Variants in SIPA1L3 observed in about 807,000 individuals in gnomAD.
SIPA1L3 encodes the protein signal-induced proliferation-associated 1-like protein 3.
In SIPA1L3, 59 loss-of-function variants were observed where a neutral mutation model predicts 150.1. The ratio of observed to expected loss-of-function variants is 0.39; its 90% CI spans 0.32 to 0.49. The LOEUF is 0.49. Among genes scored for constraint, SIPA1L3 ranks in the 20% least tolerant of loss-of-function variants. The probability of loss-of-function intolerance (pLI) is 0.86; values close to 1 mark genes in which losing one functional copy is unlikely to be tolerated. For synonymous variants in SIPA1L3, 1,070 were observed against 1,077.6 expected (o/e 0.99, Z 0.14); for missense variants, 2,211 against 2,489.5 (o/e 0.89, Z 2.38).
intron 19 of SIPA1L3, among the ~76,000 whole-genome samples, 168 bp downstream of exon 19, chr19:38,198,700 C>T (rs1026631394): frequency 2.6e-5 from 4 of 152,232 alleles, no homozygotes; most frequent in African/African-American, 7.2e-5. Flanking sequence ...CCCGGGCAAG[C>T]GTCGTCATCT....
chr19:37,968,927 G>A (rs1407981410), intron 1 of SIPA1L3, among the ~76,000 whole-genome samples: 1 of 152,240 alleles, frequency 6.6e-6, no homozygotes, highest in African/African-American at 2.4e-5. Flanking sequence ...TGGGTCAGGT[G>A]TGGAACCCCA....
chr19:38,067,073 CA>C (rs902537201), intron 2 of SIPA1L3, among the ~76,000 whole-genome samples: 1 of 149,916 alleles, frequency 6.7e-6, no homozygotes, highest in Admixed American at 6.7e-5. Flanking sequence ...CCAGTCTCTA[CA>C]AAAAAAAATT....
intron 17 of SIPA1L3, 152 bp from the exon 18 acceptor site, chr19:38,193,385 G>A (rs1208956471): frequency 8.9e-4 from 736 of 825,986 alleles, no homozygotes; most frequent in Non-Finnish European, 1.1e-3. Flanking sequence ...GAGGGAGGAA[G>A]GGAGGGAGGG....
intron 1 of SIPA1L3, among the ~76,000 whole-genome samples, chr19:37,985,486 G>C (rs1967326620): frequency 6.6e-6 from 1 of 152,180 alleles, no homozygotes; most frequent in Non-Finnish European, 1.5e-5. Context: ...AATAGAGAGA[G>C]AGAAAGAAAA....
intron 2 of SIPA1L3, among the ~76,000 whole-genome samples, chr19:38,056,188 C>T (rs568704937): frequency 1.6e-3 from 249 of 152,350 alleles, no homozygotes; most frequent in Non-Finnish European, 2.6e-3. Flanking sequence ...CCAGTCGGTC[C>T]CTTCTCTGCA....
intron 1 of SIPA1L3, among the ~76,000 whole-genome samples, chr19:37,968,278 G>T (rs928946207): frequency 5.3e-5 from 8 of 151,978 alleles, no homozygotes; most frequent in African/African-American, 9.7e-5. Context: ...TCACCATATT[G>T]GCCAGGAGGG....
chr19:38,161,071 C>T (rs919115884), intron 13 of SIPA1L3, among the ~76,000 whole-genome samples: 2 of 152,112 alleles, frequency 1.3e-5, no homozygotes, highest in Non-Finnish European at 2.9e-5. Context: ...GGGCCGGGCA[C>T]GGTGGCTCAC....
chr19:37,929,179 T>TCTGGGG lies in SIPA1L3; in HGVS notation c.-379+21844_-379+21849dup, dbSNP rs372310928. 8.3e-4 allele frequency among the ~76,000 whole-genome samples: 126 copies of TCTGGGG among 152,218 alleles called. 1 individual carries two copies. The highest frequency in any genetic ancestry group is 3.5e-3 in the South Asian group (17 of 4,826). On this transcript the variant is annotated intron_variant, in intron 1 of 21. Transcript: ENST00000222345. Reference sequence around the variant, plus strand: ...GCCAAGGGCCAATTAGGATTGACCCTCTGGGGCTGGGGCTGGGGCTGGGGC... The same window carrying TCTGGGG: ...GCCAAGGGCCAATTAGGATTGACCCTCTGGGGCTGGGGCTGGGGCTGGGGCTGGGGC...
At chr19:38,072,145 G>A (rs1331986952) in intron 2 of SIPA1L3, among the ~76,000 whole-genome samples, 1 of 152,208 alleles carries the variant, frequency 6.6e-6, no homozygotes, top group Non-Finnish European at 1.5e-5. Context: ...CTGGGGTTGA[G>A]TCCCCACTGT....
At chr19:38,192,395 C>G in intron 17 of SIPA1L3, 85 bp downstream of exon 17, 1 of 1,296,446 alleles carries the variant, frequency 7.7e-7, no homozygotes, top group South Asian at 1.5e-5. Context: ...GGGCTGTGCT[C>G]CCCACGGTCA....
At chr19:38,113,426 A>C (rs1169506358) in intron 8 of SIPA1L3, among the ~76,000 whole-genome samples, 1 of 152,082 alleles carries the variant, frequency 6.6e-6, no homozygotes, top group Non-Finnish European at 1.5e-5. Flanking sequence ...CTGGGAGTTC[A>C]AGATCAGCCT....
chr19:38,166,109 A>G (rs1972202571), intron 15 of SIPA1L3, among the ~76,000 whole-genome samples: 1 of 152,154 alleles, frequency 6.6e-6, no homozygotes, highest in African/African-American at 2.4e-5. Flanking sequence ...TGCTGGTCCC[A>G]GGACCACACT....
intron 1 of SIPA1L3, among the ~76,000 whole-genome samples, chr19:38,013,405 G>GA (rs1021144947): frequency 4.0e-5 from 6 of 148,564 alleles, no homozygotes; most frequent in African/African-American, 1.2e-4. Context: ...AGCATGGGCT[G>GA]AAAAAAAAAA....
chr19:38,148,368 TGGG>T (rs1485801524), intron 12 of SIPA1L3, among the ~76,000 whole-genome samples: 19 of 147,426 alleles, frequency 1.3e-4, no homozygotes, highest in African/African-American at 4.0e-4. Flanking sequence ...AAAAAAAAGT[TGGG>T]GGAAGGAACT....
intron 7 of SIPA1L3, chr19:38,108,431 T>C (rs1233137049): frequency 1.3e-5 from 2 of 152,088 alleles, no homozygotes; most frequent in Non-Finnish European, 2.9e-5. Context: ...AGAGATTCAT[T>C]GAGATGATGA....
chr19:37,927,560 G>GTT (rs1456792292), intron 1 of SIPA1L3, among the ~76,000 whole-genome samples: 2 of 138,018 alleles, frequency 1.4e-5, no homozygotes, highest in Non-Finnish European at 3.2e-5. Context: ...GTGTGTGTGT[G>GTT]TACGTACCCA....
chr19:38,021,383 G>A (rs1968370080), intron 1 of SIPA1L3, among the ~76,000 whole-genome samples: 1 of 152,152 alleles, frequency 6.6e-6, no homozygotes, highest in South Asian at 2.1e-4. Context: ...CCTTAAGACA[G>A]CTGTTGGACC....
chr19:38,001,608 G>C (rs555037685), intron 1 of SIPA1L3, among the ~76,000 whole-genome samples: 1 of 151,914 alleles, frequency 6.6e-6, no homozygotes, highest in African/African-American at 2.4e-5. Context: ...TTTATTATTC[G>C]TAGAGACTGG....
chr19:38,033,386 A>G (rs1355467136), intron 2 of SIPA1L3, among the ~76,000 whole-genome samples: 2 of 152,150 alleles, frequency 1.3e-5, no homozygotes, highest in Non-Finnish European at 2.9e-5. Flanking sequence ...TTAAATATAT[A>G]AAGCTTGAAC....
Sources: gnomAD v4.1 joint callset for allele counts (sites outside exome capture counted in the v4.1 genomes callset) on GRCh38, gnomAD v4.1.1 for gene constraint, MANE v1.5 for transcripts, NCBI Gene and HGNC (gene_info 2026-07-23, HGNC 2026-07-21) for gene names.